The following ENOX2 variants were observed in gnomAD, a reference collection of about 807,000 sequenced individuals.
ENOX2 encodes ecto-NOX disulfide-thiol exchanger 2, also known as APK1 antigen.
ENOX2 carries 36 observed loss-of-function variants against 45.0 expected under a neutral mutation model. That is an observed-to-expected ratio of 0.80 (90% CI 0.61 to 1.06). The LOEUF is 1.06. ENOX2 is among the 50% of genes least tolerant of loss of function. The probability of loss-of-function intolerance (pLI) is 0.00; values close to 1 mark genes in which losing one functional copy is unlikely to be tolerated. For synonymous variants in ENOX2, 174 were observed against 152.3 expected (o/e 1.14, Z -1.05); for missense variants, 423 against 462.5 (o/e 0.91, Z 0.78).
intron 3 of ENOX2, among the ~76,000 whole-genome samples, chrX:130,753,974 G>A (rs1206799656): frequency 1.8e-5 from 2 of 111,067 alleles, no homozygotes; most frequent in Non-Finnish European, 3.8e-5. Context: ...AATGAGTTCT[G>A]GTGTTCTTCA....
chrX:130,821,742 TAAAAAAAAAA>T, intron 2 of ENOX2, among the ~76,000 whole-genome samples: 5 of 23,164 alleles, frequency 2.2e-4, no homozygotes, highest in East Asian at 1.2e-3. Flanking sequence ...ATAAATAAAT[TAAAAAAAAAA>T]AAAAAAAAAA....
At chrX:130,633,504 T>C (rs2035842920) in intron 12 of ENOX2, among the ~76,000 whole-genome samples, 1 of 112,839 alleles carries the variant, frequency 8.9e-6, no homozygotes, top group Non-Finnish European at 1.9e-5. Flanking sequence ...ATCAGTTGGA[T>C]CTTTTCCCCT....
intron 10 of ENOX2, among the ~76,000 whole-genome samples, chrX:130,654,063 T>C (rs1056063042): frequency 8.9e-6 from 1 of 111,994 alleles, no homozygotes; most frequent in African/African-American, 3.2e-5. Flanking sequence ...GAACCACTAG[T>C]CTAAGTAAAC....
intron 6 of ENOX2, among the ~76,000 whole-genome samples, chrX:130,677,500 C>T (rs915969202): frequency 2.7e-5 from 3 of 112,074 alleles, no homozygotes; most frequent in Non-Finnish European, 3.8e-5. Context: ...AGACTCAATT[C>T]TTCCAAACCA....
At chrX:130,688,429 C>T (rs1303195244) in intron 5 of ENOX2, among the ~76,000 whole-genome samples, 3 of 111,856 alleles carry the variant, frequency 2.7e-5, no homozygotes, top group Non-Finnish European at 5.6e-5. Context: ...GGTTGAATAG[C>T]AGTGGTTCGA....
intron 2 of ENOX2, among the ~76,000 whole-genome samples, chrX:130,832,679 A>G (rs1373674432): frequency 2.7e-5 from 3 of 111,182 alleles, no homozygotes; most frequent in Admixed American, 9.6e-5. Flanking sequence ...AATTTCCTGT[A>G]CTAGTTTCAC....
chrX:130,891,498 T>G (rs1024392257), intron 2 of ENOX2, among the ~76,000 whole-genome samples: 6 of 91,689 alleles, frequency 6.5e-5, no homozygotes, highest in African/African-American at 2.0e-4. Context: ...TGGTTTTTTT[T>G]TTTTTTTTTT....
intron 10 of ENOX2, among the ~76,000 whole-genome samples, chrX:130,641,298 A>T (rs1362390990): frequency 8.9e-6 from 1 of 112,583 alleles, no homozygotes; most frequent in Non-Finnish European, 1.9e-5. Context: ...TGTGCAAATA[A>T]AAAGTGGAAT....
At chrX:130,632,503 T>C (rs2035798490) in intron 12 of ENOX2, among the ~76,000 whole-genome samples, 1 of 110,594 alleles carries the variant, frequency 9.0e-6, no homozygotes. Context: ...ATTATAAATG[T>C]GAAGGCAAAG....
rs1451433866 is a variant in ENOX2, at chrX:130,815,303, G to A, written c.-182-31613C>T. On this transcript the variant is annotated intron_variant, in intron 2 of 14. Coordinates refer to ENST00000394363, the MANE Select transcript of ENOX2 (RefSeq NM_006375.4). The stretch of plus-strand genomic sequence containing the variant: ...GTACCTGAAAGTGACAGGAACAATG[G>A]AACCAAGTTGCAAAACACTCTTCAG... Among the ~76,000 whole-genome samples the A allele has an allele frequency of 1.2e-4, 13 of 112,156 alleles. No individual in the cohort carries two copies. The Admixed American group carries it at 1.2e-3, about 11-fold the overall frequency.
chrX:130,803,045 C>T (rs981718772), intron 2 of ENOX2, among the ~76,000 whole-genome samples: 10 of 111,727 alleles, frequency 9.0e-5, no homozygotes, highest in African/African-American at 3.2e-4. Context: ...AACATTTCTG[C>T]AGTTTCTAGA....
intron 9 of ENOX2, among the ~76,000 whole-genome samples, chrX:130,664,222 T>A (rs184937105): frequency 2.7e-5 from 3 of 112,367 alleles, no homozygotes; most frequent in African/African-American, 9.7e-5. Context: ...TATTTTCTCC[T>A]AAATGCTTTT....
At chrX:130,728,878 C>T (rs1243636448) in intron 3 of ENOX2, among the ~76,000 whole-genome samples, 1 of 111,398 alleles carries the variant, frequency 9.0e-6, no homozygotes, top group Non-Finnish European at 1.9e-5. Context: ...TTTTAATATA[C>T]AAAAATGAGT....
chrX:130,852,587 A>C (rs910080929), intron 2 of ENOX2, among the ~76,000 whole-genome samples: 2 of 111,915 alleles, frequency 1.8e-5, no homozygotes, highest in African/African-American at 6.5e-5. Flanking sequence ...TGAAATGAAG[A>C]CTTGTCTTGA....
intron 3 of ENOX2, among the ~76,000 whole-genome samples, chrX:130,718,265 G>A (rs1045506539): frequency 1.7e-4 from 19 of 112,070 alleles, no homozygotes; most frequent in African/African-American, 6.2e-4. Context: ...ATCCCTGCAT[G>A]GGCCCTAATT....
intron 2 of ENOX2, among the ~76,000 whole-genome samples, chrX:130,794,948 A>G (rs1448111321): frequency 8.9e-6 from 1 of 112,194 alleles, no homozygotes; most frequent in African/African-American, 3.2e-5. Flanking sequence ...GAACCACATA[A>G]ATATGGTCAA....
chrX:130,686,735 A>C (rs756738536), intron 5 of ENOX2, among the ~76,000 whole-genome samples: 32 of 112,301 alleles, frequency 2.8e-4, no homozygotes, highest in African/African-American at 9.0e-4. Flanking sequence ...CAGAGAACTA[A>C]GAGAAGCACT....
intron 3 of ENOX2, among the ~76,000 whole-genome samples, chrX:130,761,200 GT>G (rs1197863255): frequency 9.0e-6 from 1 of 111,550 alleles, no homozygotes; most frequent in East Asian, 2.8e-4. Flanking sequence ...ATTGGAACTT[GT>G]TCTCTCCTCT....
rs753219669 is a variant in ENOX2, at chrX:130,679,741, T to G, written c.261A>C (p.Pro87=). Residue 87 remains proline (P), a synonymous_variant, in exon 6 of 15, where the codon CCA becomes CCC. Coordinates refer to ENST00000394363, the MANE Select transcript of ENOX2 (RefSeq NM_006375.4). ...CTLFPPNPNL[P]PPATRERPPG... ...GTGGTCTTTCTCGGGTTGCAGGAGG[T>G]GGGAGATCTAAGTTGTAAGGGCAAA... 3 of 1,203,116 alleles carry G rather than the reference T, an allele frequency of 2.5e-6. No homozygotes were observed. The East Asian group carries it at 8.9e-5, about 36-fold the overall frequency.
Sources: allele counts gnomAD v4.1 joint callset (sites outside exome capture counted in the v4.1 genomes callset), GRCh38; gene constraint gnomAD v4.1.1; transcripts MANE v1.5; gene names NCBI Gene and HGNC (gene_info 2026-07-23, HGNC 2026-07-21).